The following TMEM63B variants were observed in gnomAD, a reference collection of about 807,000 sequenced individuals.
The protein encoded by TMEM63B is mechanosensitive cation channel TMEM63B.
Under a neutral mutation model 102.6 loss-of-function variants are expected in TMEM63B, and 23 were observed. The ratio of observed to expected loss-of-function variants is 0.22; its 90% CI spans 0.16 to 0.32. TMEM63B has a LOEUF of 0.32. TMEM63B is among the 10% of genes least tolerant of loss of function. The pLI is 1.00. For missense variants in TMEM63B, 628 were observed against 1,095.9 expected (o/e 0.57, Z 6.03); for synonymous variants, 444 against 437.0 (o/e 1.02, Z -0.20).
At chr6:44,154,600 C>G in intron 23 of TMEM63B, 92 bp from the exon 24 acceptor site, 1 of 1,464,848 alleles carries the variant, frequency 6.8e-7, no homozygotes, top group Non-Finnish European at 9.2e-7. Context: ...CCCCCAGGGC[C>G]CTGCCCACTC....
At chr6:44,136,307 G>T in intron 4 of TMEM63B, 42 bp from the exon 5 acceptor site, 1 of 1,581,468 alleles carries the variant, frequency 6.3e-7, no homozygotes, top group Non-Finnish European at 8.7e-7. Flanking sequence ...CGGGGGCTCA[G>T]ACTCACCAGG....
Position 44,155,040 on chromosome 6 carries a change from C to CA in TMEM63B, c.*158dup. 1.4e-6 allele frequency: 1 copy of CA among 711,500 alleles called. No individual in the cohort carries two copies. Among genetic ancestry groups the CA allele is most frequent in the Non-Finnish European group, 2.1e-6 (1 of 477,368 alleles). 44.1% of individuals were successfully genotyped at this position (711,500 alleles called of 1,614,324 possible). On this transcript the variant is annotated 3_prime_UTR_variant, in exon 24 of 24. Transcript: ENST00000323267. Reference sequence around the variant, plus strand: ...ACTTGGGGGTTTCACTGCTCTCCCCCATGATGGAGGGAGGGAGCCCCCCAA... The same window carrying CA: ...ACTTGGGGGTTTCACTGCTCTCCCCCAATGATGGAGGGAGGGAGCCCCCCAA...
At chr6:44,147,268 C>T in intron 11 of TMEM63B, 109 bp from the exon 12 acceptor site, 3 of 1,562,826 alleles carry the variant, frequency 1.9e-6, no homozygotes, top group Non-Finnish European at 2.6e-6. Context: ...AAACATGTAT[C>T]CTAAACAAGA....
chr6:44,139,085 C>A (rs1030005916), intron 6 of TMEM63B, among the ~76,000 whole-genome samples: 3 of 152,120 alleles, frequency 2.0e-5, no homozygotes, highest in Non-Finnish European at 4.4e-5. Flanking sequence ...TGCTGGTCCT[C>A]CTCCTCTCTT....
intron 5 of TMEM63B, 77 bp downstream of exon 5, chr6:44,136,516 C>A: frequency 9.9e-7 from 1 of 1,012,874 alleles, no homozygotes; most frequent in Non-Finnish European, 1.5e-6. Flanking sequence ...CCCTCACTTT[C>A]AGTGATGTGG....
chr6:44,138,736 G>GTCCCCCCCCCCC (rs567563400), intron 6 of TMEM63B: 101 of 288,394 alleles, frequency 3.5e-4, no homozygotes, highest in East Asian at 5.9e-4. Context: ...CCCCCTGCCG[G>GTCCCCCCCCCCC]CCCCCCCGCT....
Position 44,148,990 on chromosome 6 carries a change from C to G in TMEM63B, c.1413+45C>G. 6.2e-7 allele frequency: 1 copy of G among 1,613,694 alleles called. No individual in the cohort carries two copies. Among genetic ancestry groups the G allele is most frequent in the Non-Finnish European group, 8.5e-7 (1 of 1,179,958 alleles). ...TCACTTTCCACGCTGGGTCACAACA[C>G]ACAGATACCAGGCCCTGATCCCTCT... is the stretch of plus-strand genomic sequence containing the variant. On this transcript the variant is annotated intron_variant, in intron 15 of 23. Transcript: ENST00000323267. This position sits in a 1 kb window ranked among gnomAD's most constrained non-coding sequence, Gnocchi z 5.1.
At chr6:44,128,648 G>A (rs1027383743) in intron 1 of TMEM63B, among the ~76,000 whole-genome samples, 2 of 152,384 alleles carry the variant, frequency 1.3e-5, no homozygotes, top group Non-Finnish European at 2.9e-5. Flanking sequence ...CGCCCTGGGG[G>A]GCTGGGGCTT....
At chr6:44,134,221 G>C (rs763496159) in intron 1 of TMEM63B, among the ~76,000 whole-genome samples, 19 of 152,154 alleles carry the variant, frequency 1.2e-4, no homozygotes, top group South Asian at 8.3e-4. Context: ...CTAAGACAGA[G>C]AGAATGAGAG....
At chr6:44,145,649 A>C (rs2128249044) in intron 10 of TMEM63B, among the ~76,000 whole-genome samples, 1 of 151,932 alleles carries the variant, frequency 6.6e-6, no homozygotes, top group Non-Finnish European at 1.5e-5. Context: ...AAAAGAAACT[A>C]TTCCCTCCAG....
chr6:44,140,986 G>A, intron 9 of TMEM63B, 42 bp from the exon 10 acceptor site: 1 of 1,592,494 alleles, frequency 6.3e-7, no homozygotes, highest in African/African-American at 1.3e-5. Flanking sequence ...GGCTCCACTG[G>A]GGTCAAGCCT....
At chr6:44,137,772 C>A (rs1198647698) in intron 5 of TMEM63B, among the ~76,000 whole-genome samples, 1 of 151,674 alleles carries the variant, frequency 6.6e-6, no homozygotes, top group African/African-American at 2.4e-5. Context: ...GATCTCAGCT[C>A]ACTGCAACCT....
rs776360372 is a variant in TMEM63B at position 44,134,614 on chromosome 6, C to T, written c.30C>T (p.Gly10=). 2.5e-6 allele frequency: 4 copies of T among 1,614,130 alleles called. No individual in the cohort carries two copies. Among genetic ancestry groups the T allele is most frequent in the Admixed American group, 3.3e-5 (2 of 60,028 alleles). The stretch of plus-strand genomic sequence containing the variant: ...TGCCCTTTCTGCTGGCCACACTGGG[C>T]ACCACAGCCCTCAACAACAGCAACC... MLPFLLATL[G]TTALNNSNPK... is the part of the protein sequence containing the mutation. Residue 10 remains glycine, a synonymous_variant, in exon 2 of 24, where the codon GGC becomes GGT. Coordinates refer to ENST00000323267, the MANE Select transcript of TMEM63B (RefSeq NM_018426.3).
At chr6:44,128,246 C>T (rs1398909507) in intron 1 of TMEM63B, among the ~76,000 whole-genome samples, 2 of 152,208 alleles carry the variant, frequency 1.3e-5, no homozygotes, top group East Asian at 1.9e-4. Context: ...CCGCTGCCCC[C>T]GGCTCTGGGG....
Position 44,154,370 on chromosome 6 carries a change from G to T in TMEM63B, c.2232G>T (p.Glu744Asp). The change falls in exon 23 of 24, where the codon GAG (glutamate) becomes GAT (aspartate). Residue 744 changes from glutamate (E) to aspartate (D), a missense_variant. Glu to Asp is a conservative substitution (Grantham distance 45, BLOSUM62 2). Coordinates refer to ENST00000323267, the MANE Select transcript of TMEM63B (RefSeq NM_018426.3). ...CTCATTCTGGGCCCCTCAAGATTGA[G>T]CACACGGAGACAGATACTGTGGACC... ...KYLSAHNYKI[E>D]HTETDTVDPR... is the part of the protein sequence containing the mutation. The T allele has an allele frequency of 6.2e-7, 1 of 1,613,998 alleles. No individual in the cohort carries two copies. Among genetic ancestry groups the T allele is most frequent in the African/African-American group, 1.3e-5 (1 of 75,044 alleles).
chr6:44,147,493 G>C lies in TMEM63B; in HGVS notation c.980G>C (p.Cys327Ser). 1.9e-6 allele frequency: 3 copies of C among 1,614,154 alleles called. No individual in the cohort carries two copies. Among genetic ancestry groups the C allele is most frequent in the Non-Finnish European group, 2.5e-6 (3 of 1,180,002 alleles). The change falls in exon 12 of 24, where the codon TGT (cysteine) becomes TCT (serine). Residue 327 changes from cysteine (C) to serine (S), a missense_variant. Transcript: ENST00000323267. ...CTCTGCTGCTGTGTGGTGCGAGGCT[G>C]TGAGCAGGTATGACGCGGGCTGGCT... ...GHLCCCVVRG[C>S]EQVEAIEYYT...
At chr6:44,142,858 A>G (rs185718787) in intron 10 of TMEM63B, among the ~76,000 whole-genome samples, 28 of 152,282 alleles carry the variant, frequency 1.8e-4, no homozygotes, top group African/African-American at 6.0e-4. Context: ...AAAAAATATA[A>G]AAATTAGCCA....
Position 44,151,929 on chromosome 6 carries a change from T to A in TMEM63B, c.1757T>A (p.Leu586Gln). The A allele has an allele frequency of 6.2e-7, 1 of 1,613,698 alleles. No homozygotes were observed. The highest frequency in any genetic ancestry group is 8.5e-7 in the Non-Finnish European group (1 of 1,179,766). The change falls in exon 19 of 24, where the codon CTG (leucine) becomes CAG (glutamine). Residue 586 changes from leucine (L) to glutamine (Q), a missense_variant. By Grantham distance (113) the Leu-to-Gln change is moderately radical. Transcript: ENST00000323267. ...TTTATCGGCAACGCCATGGACCTGC[T>A]GCGCATCCCAGGCCTGCTCATGTAC... ...SAFIGNAMDL[L>Q]RIPGLLMYMI...
At position 44,152,787 on chromosome 6, in the gene TMEM63B, T is replaced by C. The variant is rs1489510452; in HGVS notation, c.1942+89T>C. On this transcript the variant is annotated intron_variant, in intron 20 of 23. Transcript: ENST00000323267. The surrounding 1 kb of genome is among the most constrained non-coding windows in gnomAD (Gnocchi z 6.4). The stretch of plus-strand genomic sequence containing the variant: ...CTCTAGGAATGCAGGCCACCCCGAG[T>C]GGACAGGGCCCGGCTGGGAGACCGG... The C allele has an allele frequency of 4.4e-6, 5 of 1,131,122 alleles. No homozygotes were observed. Among genetic ancestry groups the C allele is most frequent in the Non-Finnish European group, 6.5e-6 (5 of 773,406 alleles). The allele number at this position is 1,131,122 out of a possible 1,614,324, so 70.1% of individuals were successfully genotyped here. A position where few individuals can be genotyped will look rare whatever the true frequency, so the allele number is the denominator to read the frequency against.
Sources: gnomAD v4.1 joint callset for allele counts (sites outside exome capture counted in the v4.1 genomes callset) on GRCh38, gnomAD v4.1.1 for gene constraint, Gnocchi (gnomAD v3.1) non-coding constraint, MANE v1.5 for transcripts, NCBI Gene and HGNC (gene_info 2026-07-23, HGNC 2026-07-21) for gene names.